The following KIF24 variants were observed in gnomAD, a reference collection of about 807,000 sequenced individuals.
KIF24 encodes the protein kinesin-like protein KIF24.
Under a neutral mutation model 118.9 loss-of-function variants are expected in KIF24, and 81 were observed. That is an observed-to-expected ratio of 0.68 (90% confidence interval 0.57 to 0.82). The LOEUF is 0.82. Ranked by LOEUF, KIF24 falls within the 40% of genes least tolerant of loss-of-function variation. The probability of loss-of-function intolerance (pLI) is 0.00; values close to 1 mark genes in which losing one functional copy is unlikely to be tolerated. For missense variants in KIF24, 1,560 were observed against 1,661.6 expected, an observed-to-expected ratio of 0.94 and a Z score of 1.06; for synonymous variants, 599 against 610.0, an observed-to-expected ratio of 0.98 and a Z score of 0.27.
chr9:34,306,303 T>C lies in KIF24; in HGVS notation c.762A>G (p.Leu254=), dbSNP rs924509872. The C allele has an allele frequency of 1.5e-5, 24 of 1,610,520 alleles. 1 individual carries two copies. In the African/African-American group the frequency reaches 2.3e-4, roughly 15 times the overall value. The change falls in exon 3 of 13, where the codon CTA becomes CTG. Residue 254 remains leucine (L), a synonymous_variant. Transcript: ENST00000402558. The stretch of plus-strand genomic sequence containing the variant: ...CTGCTTCTTTCTTCTCATGCACAAG[T>C]AGAGTTTCTTTGTCTTCTACAGTAA... ...NIITVEDKET[L]LVHEKKEAVD...
intron 4 of KIF24, among the ~76,000 whole-genome samples, chr9:34,293,548 G>A (rs560011879): frequency 6.6e-6 from 1 of 151,532 alleles, no homozygotes; most frequent in South Asian, 2.1e-4. Context: ...GCCGAGGCAG[G>A]TGAATCATGA....
intron 1 of KIF24, among the ~76,000 whole-genome samples, chr9:34,323,964 A>G (rs952232018): frequency 4.6e-5 from 7 of 152,232 alleles, no homozygotes; most frequent in African/African-American, 1.7e-4. Context: ...GTGATCAGAT[A>G]GCCATATATT....
upstream of KIF24, among the ~76,000 whole-genome samples, chr9:34,333,644 CAAAAAAAAAA>C (rs34830977): frequency 6.4e-5 from 3 of 47,102 alleles, no homozygotes; most frequent in Admixed American, 3.4e-4. Flanking sequence ...GAGACATTGT[CAAAAAAAAAA>C]AAAAAAAAAA....
At chr9:34,261,552 CAG>C (rs1462134378) in intron 9 of KIF24, among the ~76,000 whole-genome samples, 6 of 152,094 alleles carry the variant, frequency 3.9e-5, no homozygotes, top group Non-Finnish European at 5.9e-5. Context: ...ATGATAAAAA[CAG>C]AAAGTGGTCA....
upstream of KIF24, among the ~76,000 whole-genome samples, chr9:34,329,342 C>A (rs1236693582): frequency 6.6e-6 from 1 of 152,246 alleles, no homozygotes; most frequent in Non-Finnish European, 1.5e-5. Flanking sequence ...GGTTGACGTT[C>A]GTTGACTTCT....
chr9:34,332,554 C>G (rs551902215), upstream of KIF24, among the ~76,000 whole-genome samples: 2 of 152,326 alleles, frequency 1.3e-5, no homozygotes, highest in East Asian at 3.9e-4. Context: ...TAGAATTGTA[C>G]AGCAGATGGC....
Position 34,256,451 on chromosome 9 carries a change from G to A in KIF24, c.3156C>T (p.Leu1052=). Residue 1052 remains leucine, a synonymous_variant, in exon 11 of 13, where the codon CTC becomes CTT. Coordinates refer to ENST00000402558, the MANE Select transcript of KIF24 (RefSeq NM_194313.4). ...CTGGGTTCTCCAGGAGGGACATGGT[G>A]AGGGGAGACATGAGTCCAGAAGCAT... ...AEYASGLMSP[L]TMSLLENPDN... 1 of 1,613,884 alleles carries A rather than the reference G, an allele frequency of 6.2e-7. No homozygotes were observed. Among genetic ancestry groups the A allele is most frequent in the Non-Finnish European group, 8.5e-7 (1 of 1,179,844 alleles).
At chr9:34,305,977 C>T (rs79828681) in intron 3 of KIF24, among the ~76,000 whole-genome samples, 2,704 of 152,196 alleles carry the variant, frequency 0.018, 62 homozygotes, top group Middle Eastern at 0.048. Context: ...TAATTAAATT[C>T]ACACAAAGCA....
intron 5 of KIF24, among the ~76,000 whole-genome samples, chr9:34,288,815 C>G (rs1324972937): frequency 6.8e-6 from 1 of 147,370 alleles, no homozygotes; most frequent in Admixed American, 6.8e-5. Flanking sequence ...TCAGAAAGAG[C>G]TAGATATCCT....
rs771953794 is a variant in KIF24, at chr9:34,310,840, A to T, written c.507T>A (p.Thr169=). ...AAAGGTAATTTGGTGAAAAGAGTGAAGTGCTGATTTCTGTTTGCACATAGG... is the reference window on the plus strand; with the variant it reads ...AAAGGTAATTTGGTGAAAAGAGTGATGTGCTGATTTCTGTTTGCACATAGG... The part of the protein sequence containing the change: ...GDSYVQTEIS[T]SLFSPNYLSA... The change falls in exon 2 of 13, where the codon ACT becomes ACA. Residue 169 remains threonine, a synonymous_variant. Transcript: ENST00000402558. 5.0e-6 allele frequency: 8 copies of T among 1,614,028 alleles called. No homozygotes were observed.
chr9:34,292,472 G>A (rs769476309), intron 4 of KIF24, among the ~76,000 whole-genome samples: 5 of 152,054 alleles, frequency 3.3e-5, no homozygotes, highest in Non-Finnish European at 7.4e-5. Flanking sequence ...TCCTGGGCTT[G>A]CGTTCTTAAC....
At chr9:34,299,911 A>T (rs1836635153) in intron 3 of KIF24, among the ~76,000 whole-genome samples, 1 of 152,066 alleles carries the variant, frequency 6.6e-6, no homozygotes, top group South Asian at 2.1e-4. Context: ...GCCTGAGTAT[A>T]GCATAATGAC....
rs147778137 is a variant in KIF24, at chr9:34,322,376, C to CT, written c.-26+6729dup. On this transcript the variant is annotated intron_variant, in intron 1 of 12. Coordinates refer to ENST00000402558, the MANE Select transcript of KIF24 (RefSeq NM_194313.4). ...CCTAGACAAACACTAATAATGATCA[C>CT]TTTTTTTTTTAAGAGATGAGGTCTC... 1.5e-3 allele frequency among the ~76,000 whole-genome samples: 226 copies of CT among 148,686 alleles called. 1 individual carries two copies. The highest frequency in any genetic ancestry group is 5.2e-3 in the African/African-American group (211 of 40,650).
intron 6 of KIF24, among the ~76,000 whole-genome samples, chr9:34,275,396 AAAC>A (rs1052206277): frequency 9.2e-5 from 14 of 152,154 alleles, no homozygotes; most frequent in South Asian, 2.1e-4. Flanking sequence ...TCTGTCTCAA[AAAC>A]AACAACAACA....
chr9:34,308,660 G>A (rs1008248743), intron 2 of KIF24, among the ~76,000 whole-genome samples: 2 of 152,170 alleles, frequency 1.3e-5, no homozygotes, highest in Non-Finnish European at 2.9e-5. Context: ...ATATAAAGCT[G>A]ATCAAAGAGG....
At chr9:34,285,065 G>A (rs1261617182) in intron 6 of KIF24, among the ~76,000 whole-genome samples, 3 of 152,174 alleles carry the variant, frequency 2.0e-5, no homozygotes, top group Non-Finnish European at 4.4e-5. Context: ...GGATAGCTCA[G>A]TGGGGAACAG....
upstream of KIF24, among the ~76,000 whole-genome samples, chr9:34,333,007 C>T (rs992769878): frequency 1.1e-4 from 16 of 152,050 alleles, no homozygotes; most frequent in African/African-American, 3.6e-4. Context: ...ATTGCAGTCA[C>T]ATAGAATTGC....
At chr9:34,255,195 T>C in intron 11 of KIF24, 30 bp from the exon 12 acceptor site, 3 of 1,359,722 alleles carry the variant, frequency 2.2e-6, no homozygotes, top group Non-Finnish European at 2.1e-6. Flanking sequence ...CACTGTGATC[T>C]TCCTGGCCTC....
chr9:34,311,336 C>T lies in KIF24; in HGVS notation c.11G>A (p.Trp4Ter). 1 of 1,564,068 alleles carries T rather than the reference C, an allele frequency of 6.4e-7. No homozygotes were observed. Among genetic ancestry groups the T allele is most frequent in the Admixed American group, 2.0e-5 (1 of 50,632 alleles). ...AGCTTCACAAAGACATTCATATAAC[C>T]AGGATGCCATTTTGGTGAATAGGTT... MAS[W>*]LYECLCEAEL... is the part of the protein sequence containing the mutation. The change falls in exon 2 of 13, where the codon TGG becomes TAG. Residue 4 changes from tryptophan (W) to a stop codon, truncating the protein, a stop_gained. Transcript: ENST00000402558. LOFTEE classifies it high-confidence loss of function.
Sources: allele counts gnomAD v4.1 joint callset (sites outside exome capture counted in the v4.1 genomes callset), GRCh38; gene constraint gnomAD v4.1.1; transcripts MANE v1.5; gene names NCBI Gene and HGNC (gene_info 2026-07-23, HGNC 2026-07-21).